KHDC3L: variants seen among roughly 807,000 people sequenced by gnomAD.
KHDC3L encodes the protein KH domain containing 3 like, subcortical maternal complex member.
In KHDC3L, 6 loss-of-function variants were observed where a neutral mutation model predicts 11.4. The observed-to-expected ratio is 0.52, with a 90% confidence interval of 0.29 to 1.03. The LOEUF (loss-of-function observed/expected upper bound fraction) is 1.03. Ranked by LOEUF, KHDC3L falls within the 50% of genes least tolerant of loss-of-function variation. The pLI, the probability that KHDC3L is intolerant of heterozygous loss-of-function variation, is 0.09. For missense variants in KHDC3L, 293 were observed against 290.4 expected (o/e 1.01, Z -0.07); for synonymous variants, 127 against 120.9 (o/e 1.05, Z -0.33).
In KHDC3L at chr6:73,363,171, C is replaced by T. The variant is rs760211661; in HGVS notation, c.246C>T (p.Asn82=). The T allele has an allele frequency of 6.2e-7, 1 of 1,614,140 alleles. No individual in the cohort carries two copies. The highest frequency in any genetic ancestry group is 8.5e-7 in the Non-Finnish European group (1 of 1,180,020). ...TTCACGTGAATCGATTGGACCCTAACGGCGAGGCTGAGATCTTGGTATTTG... is the reference window on the plus strand; with the variant it reads ...TTCACGTGAATCGATTGGACCCTAATGGCGAGGCTGAGATCTTGGTATTTG... ...ILIHVNRLDP[N]GEAEILVFGR... Residue 82 remains asparagine, a synonymous_variant, in exon 2 of 3, where the codon AAC becomes AAT. Coordinates refer to ENST00000370367, the MANE Select transcript of KHDC3L (RefSeq NM_001017361.3).
Position 73,363,912 on chromosome 6 carries a change from C to G in KHDC3L, c.*52C>G, listed in dbSNP as rs1216313331. ...CCAGTCAGGGGTTAAAGTGAAAGCC[C>G]GTATTTCCGCCCAGAAGCTGGGGTT... On this transcript the variant is annotated 3_prime_UTR_variant, in exon 3 of 3. Transcript: ENST00000370367. 6.4e-7 allele frequency: 1 copy of G among 1,570,982 alleles called. No homozygotes were observed. The highest frequency in any genetic ancestry group is 8.7e-7 in the Non-Finnish European group (1 of 1,154,310).
At chr6:73,362,951 A>G (rs1459396318) in intron 1 of KHDC3L, 53 bp downstream of exon 1, 16 of 1,611,172 alleles carry the variant, frequency 9.9e-6, no homozygotes, top group Admixed American at 1.7e-5. Context: ...TGCCACCCAT[A>G]CCCACAGCCC....
chr6:73,363,625 T>TCCGGGAGG lies in KHDC3L; in HGVS notation c.426_433dup (p.Thr145ArgfsTer61). 6.2e-7 allele frequency: 1 copy of TCCGGGAGG among 1,612,762 alleles called. No individual in the cohort carries two copies. Among genetic ancestry groups the TCCGGGAGG allele is most frequent in the South Asian group, 1.1e-5 (1 of 91,026 alleles). ...GAGACCCAGCGGTCTTCAATAGAAG[T>TCCGGGAGG]CCGGGAGGCCGGGACGCAGCGTTCG... is the stretch of plus-strand genomic sequence containing the variant. On this transcript the variant is annotated frameshift_variant, in exon 3 of 3. Transcript: ENST00000370367. LOFTEE classifies it low-confidence loss of function (END_TRUNC).
chr6:73,362,943 C>A, intron 1 of KHDC3L, 45 bp downstream of exon 1: 1 of 1,611,464 alleles, frequency 6.2e-7, no homozygotes, highest in Non-Finnish European at 8.5e-7. Flanking sequence ...CTTCTTTCTG[C>A]CACCCATACC....
Position 73,363,266 on chromosome 6 carries a change from A to T in KHDC3L, c.341A>T (p.Gln114Leu), listed in dbSNP as rs772083749. 1 of 1,614,006 alleles carries T rather than the reference A, an allele frequency of 6.2e-7. No individual in the cohort carries two copies. Among genetic ancestry groups the T allele is most frequent in the Non-Finnish European group, 8.5e-7 (1 of 1,180,034 alleles). The change falls in exon 2 of 3, where the codon CAG becomes CTG. Residue 114 changes from glutamine (Q) to leucine (L), a missense_variant. Physicochemically the swap from Gln to Leu is moderately radical, Grantham distance 113 (BLOSUM62 -2). Transcript: ENST00000370367. Reference protein sequence around the residue: ...MNLADYHRQLQAKGSGKALAQ... With the variant: ...MNLADYHRQLLAKGSGKALAQ... ...CTGGCTGACTATCACCGCCAGCTCC[A>T]GGCGAAAGGTACGGGGCTGGGAATA... is the stretch of plus-strand genomic sequence containing the variant.
At position 73,362,913 on chromosome 6, in the gene KHDC3L, A is replaced by T. The variant is rs527591826; in HGVS notation, c.169+15A>T. The T allele has an allele frequency of 4.1e-4, 657 of 1,614,114 alleles. 7 individuals are homozygous for T. The South Asian group carries it at 6.8e-3, about 17-fold the overall frequency. On this transcript the variant is annotated intron_variant, in intron 1 of 2. Transcript: ENST00000370367. ...AAAGATCTTCGGTGAGTGGACCAAG[A>T]AGGGGCAGCCCCCATGCGGCTTCTT...
rs1270591535 is a variant in KHDC3L at position 73,363,244 on chromosome 6, G to A, written c.319G>A (p.Ala107Thr). Residue 107 changes from alanine (A) to threonine (T), a missense_variant, in exon 2 of 3, where the codon GCT (alanine) becomes ACT (threonine). Ala to Thr is a moderately conservative substitution (Grantham distance 58). Transcript: ENST00000370367. ...EDTIKMIMNL[A>T]DYHRQLQAKG... ...CACAATCAAGATGATCATGAACCTG[G>A]CTGACTATCACCGCCAGCTCCAGGC... is the stretch of plus-strand genomic sequence containing the variant. 6.2e-7 allele frequency: 1 copy of A among 1,614,158 alleles called. No homozygotes were observed. The highest frequency in any genetic ancestry group is 2.2e-5 in the East Asian group (1 of 44,876).
chr6:73,363,452 T>C (rs1768905418), intron 2 of KHDC3L, 104 bp from the exon 3 acceptor site: 1 of 1,467,350 alleles, frequency 6.8e-7, no homozygotes, highest in Non-Finnish European at 9.4e-7. Flanking sequence ...ACCCTCGTTC[T>C]GGGATTTCTG....
In KHDC3L at chr6:73,363,511, A is replaced by C. The variant is rs150126728; in HGVS notation, c.350-45A>C. On this transcript the variant is annotated intron_variant, in intron 2 of 2. Coordinates refer to ENST00000370367, the MANE Select transcript of KHDC3L (RefSeq NM_001017361.3). ...GGGTGACTGTCCTTTTTTGGAGAGGATATAGAGACACAGCTGTGGCCTCTG... is the reference window on the plus strand; with the variant it reads ...GGGTGACTGTCCTTTTTTGGAGAGGCTATAGAGACACAGCTGTGGCCTCTG... 8.6e-5 allele frequency: 136 copies of C among 1,586,584 alleles called. No individual in the cohort carries two copies. In the African/African-American group the frequency reaches 1.7e-3, roughly 20 times the overall value.
chr6:73,362,923 C>T, intron 1 of KHDC3L, 25 bp downstream of exon 1: 1 of 1,613,956 alleles, frequency 6.2e-7, no homozygotes, highest in Non-Finnish European at 8.5e-7. Flanking sequence ...AAGGGGCAGC[C>T]CCCATGCGGC....
At chr6:73,363,036 C>T in intron 1 of KHDC3L, 59 bp from the exon 2 acceptor site, 3 of 1,608,474 alleles carry the variant, frequency 1.9e-6, no homozygotes, top group Non-Finnish European at 1.7e-6. Context: ...CTTCCACCTT[C>T]CCCTCCCAAG....
In KHDC3L at chr6:73,363,114, C is replaced by T; in HGVS notation, c.189C>T (p.Ile63=). The T allele has an allele frequency of 1.2e-6, 2 of 1,614,144 alleles. No homozygotes were observed. Among genetic ancestry groups the T allele is most frequent in the South Asian group, 2.2e-5 (2 of 91,084 alleles). The change falls in exon 2 of 3, where the codon ATC becomes ATT. Residue 63 remains isoleucine (I), a synonymous_variant. Transcript: ENST00000370367. ...EKIFGRGGER[I]PHVQGMSQIL... is the part of the protein sequence containing the mutation. Reference sequence around the variant, plus strand: ...GCGCAGGCCGGGGCGGAGAACGCATCCCGCACGTCCAGGGTATGTCCCAAA... The same window carrying T: ...GCGCAGGCCGGGGCGGAGAACGCATTCCGCACGTCCAGGGTATGTCCCAAA...
In KHDC3L at chr6:73,363,616, C is replaced by A; in HGVS notation, c.410C>A (p.Ser137Ter). 1.2e-6 allele frequency: 2 copies of A among 1,613,574 alleles called. No individual in the cohort carries two copies. The highest frequency in any genetic ancestry group is 1.7e-6 in the Non-Finnish European group (2 of 1,180,006). Residue 137 changes from serine (S) to a stop codon, truncating the protein, a stop_gained, in exon 3 of 3, where the codon TCA becomes TAA. Transcript: ENST00000370367. LOFTEE classifies it low-confidence loss of function (END_TRUNC). ...CAGAAGGCCGAGACCCAGCGGTCTT[C>A]AATAGAAGTCCGGGAGGCCGGGACG... The part of the protein sequence containing the change: ...ATQKAETQRS[S>*]IEVREAGTQR...
rs1768920198 is a variant in KHDC3L at position 73,364,066 on chromosome 6, G to A, written c.*206G>A. ...CTCCCCCCCGCCTCACTTAAGTCCA[G>A]GAAGCTGGGGTGGCGAGGAAGGATG... On this transcript the variant is annotated 3_prime_UTR_variant, in exon 3 of 3. Transcript: ENST00000370367. 1.6e-6 allele frequency: 1 copy of A among 624,758 alleles called. No individual in the cohort carries two copies. The highest frequency in any genetic ancestry group is 2.7e-5 in the East Asian group (1 of 36,386). 38.7% of individuals were successfully genotyped at this position (624,758 alleles called of 1,614,324 possible).
Position 73,362,801 on chromosome 6 carries a change from C to T in KHDC3L, c.72C>T (p.Leu24=). Residue 24 remains leucine, a synonymous_variant, in exon 1 of 3, where the codon CTC becomes CTT. Coordinates refer to ENST00000370367, the MANE Select transcript of KHDC3L (RefSeq NM_001017361.3). The part of the protein sequence containing the change: ...MQPKAMPVEV[L]GHLPKRFSWF... ...CAAAAGCAATGCCAGTGGAGGTGCT[C>T]GGTCACCTCCCTAAGCGGTTCTCCT... 1 of 1,614,178 alleles carries T rather than the reference C, an allele frequency of 6.2e-7. No individual in the cohort carries two copies. The highest frequency in any genetic ancestry group is 1.6e-4 in the Middle Eastern group (1 of 6,062).
In KHDC3L at chr6:73,363,134, C is replaced by T; in HGVS notation, c.209C>T (p.Ser70Phe). 2 of 1,614,164 alleles carry T rather than the reference C, an allele frequency of 1.2e-6. No homozygotes were observed. The highest frequency in any genetic ancestry group is 2.2e-5 in the South Asian group (2 of 91,084). The change falls in exon 2 of 3, where the codon TCC (serine) becomes TTC (phenylalanine). Residue 70 changes from serine (S) to phenylalanine (F), a missense_variant. Physicochemically the swap from Ser to Phe is radical, Grantham distance 155. Transcript: ENST00000370367. ...GERIPHVQGM[S>F]QILIHVNRLD... ...CGCATCCCGCACGTCCAGGGTATGT[C>T]CCAAATCTTGATTCACGTGAATCGA...
Position 73,364,029 on chromosome 6 carries a change from C to A in KHDC3L, c.*169C>A. On this transcript the variant is annotated 3_prime_UTR_variant, in exon 3 of 3. Coordinates refer to ENST00000370367, the MANE Select transcript of KHDC3L (RefSeq NM_001017361.3). ...CTAATAAAGAATTGCAAAGTGGAAG[C>A]CCGCCCCCCGCCTCCCCCCCGCCTC... is the stretch of plus-strand genomic sequence containing the variant. The A allele has an allele frequency of 1.4e-6, 1 of 698,670 alleles. No homozygotes were observed. Among genetic ancestry groups the A allele is most frequent in the Non-Finnish European group, 2.5e-6 (1 of 405,520 alleles). The allele number at this position is 698,670 out of a possible 1,614,324, so 43.3% of individuals were successfully genotyped here. A position where few individuals can be genotyped will look rare whatever the true frequency, so the allele number is the denominator to read the frequency against.
In KHDC3L at chr6:73,363,544, CTCT is replaced by C. The variant is rs1462025128; in HGVS notation, c.350-6_350-4del. 16 of 1,604,904 alleles carry C rather than the reference CTCT, an allele frequency of 1.0e-5. No individual in the cohort carries two copies. The highest frequency in any genetic ancestry group is 2.7e-5 in the African/African-American group (2 of 75,014). On this transcript the variant is annotated splice_polypyrimidine_tract_variant and intron_variant, in intron 2 of 2. Coordinates refer to ENST00000370367, the MANE Select transcript of KHDC3L (RefSeq NM_001017361.3). ...ACACAGCTGTGGCCTCTGCACACTG[CTCT>C]TCTTCCAGGCTCAGGAAAGGCCCTC...
In KHDC3L at chr6:73,363,256, C is replaced by T; in HGVS notation, c.331C>T (p.Arg111Cys). The change falls in exon 2 of 3, where the codon CGC (arginine) becomes TGC (cysteine). Residue 111 changes from arginine to cysteine, a missense_variant. Arg to Cys is a radical substitution (Grantham distance 180). Transcript: ENST00000370367. ...KMIMNLADYH[R>C]QLQAKGSGKA... is the part of the protein sequence containing the mutation. ...GATCATGAACCTGGCTGACTATCACCGCCAGCTCCAGGCGAAAGGTACGGG... is the reference window on the plus strand; with the variant it reads ...GATCATGAACCTGGCTGACTATCACTGCCAGCTCCAGGCGAAAGGTACGGG... 6.2e-7 allele frequency: 1 copy of T among 1,614,116 alleles called. No individual in the cohort carries two copies. The highest frequency in any genetic ancestry group is 8.5e-7 in the Non-Finnish European group (1 of 1,180,024).
Sources: allele counts gnomAD v4.1 joint callset, GRCh38; gene constraint gnomAD v4.1.1; transcripts MANE v1.5; gene names NCBI Gene and HGNC (gene_info 2026-07-23, HGNC 2026-07-21).